The following SOX5 variants were observed in gnomAD, a reference collection of about 807,000 sequenced individuals.
The protein encoded by SOX5 is transcription factor SOX-5.
Under a neutral mutation model 92.0 loss-of-function variants are expected in SOX5, and 9 were observed. The observed-to-expected ratio is 0.10, with a 90% CI of 0.06 to 0.17. The LOEUF (loss-of-function observed/expected upper bound fraction) is 0.17. Among genes scored for constraint, SOX5 ranks in the 10% least tolerant of loss-of-function variants. The pLI, the probability that SOX5 is intolerant of heterozygous loss-of-function variation, is 1.00. For synonymous variants in SOX5, 344 were observed against 336.3 expected (o/e 1.02, Z -0.25); for missense variants, 642 against 944.5 (o/e 0.68, Z 4.20).
chr12:23,960,481 TTA>T (rs1491233704), intron 4 of SOX5, among the ~76,000 whole-genome samples: 1 of 128,100 alleles, frequency 7.8e-6, no homozygotes, highest in Admixed American at 8.2e-5. Flanking sequence ...TATATATGTT[TTA>T]TATATATTTA....
intron 4 of SOX5, among the ~76,000 whole-genome samples, chr12:24,059,663 A>C (rs1047652903): frequency 3.3e-5 from 5 of 152,070 alleles, no homozygotes; most frequent in African/African-American, 1.2e-4. Flanking sequence ...CCCAACCTCA[A>C]ACCTGGATTC....
chr12:24,187,924 T>G (rs1594075058), intron 4 of SOX5, among the ~76,000 whole-genome samples: 1 of 152,304 alleles, frequency 6.6e-6, no homozygotes, highest in East Asian at 1.9e-4. Flanking sequence ...CAACGGAGTT[T>G]TAATGTAAAA....
chr12:24,450,012 C>T (rs1566193391), intron 1 of SOX5, among the ~76,000 whole-genome samples: 1 of 152,198 alleles, frequency 6.6e-6, no homozygotes, highest in African/African-American at 2.4e-5. Flanking sequence ...GACACACTCT[C>T]TGTAAAATGA....
chr12:24,149,048 G>A lies in SOX5; in HGVS notation c.-2+64295C>T, dbSNP rs1001929348. 5.3e-5 allele frequency among the ~76,000 whole-genome samples: 8 copies of A among 152,016 alleles called. No individual in the cohort carries two copies. In the East Asian group the frequency reaches 5.8e-4, roughly 11 times the overall value. On this transcript the variant is annotated intron_variant, in intron 4 of 4. Transcript: ENST00000446891. ...ATTCATAAGGAAAAATAAAAACTTC[G>A]ATCTCCACTTTGCCTCATATGCTAA...
intron 4 of SOX5, among the ~76,000 whole-genome samples, chr12:24,201,976 T>A (rs1258106422): frequency 6.6e-6 from 1 of 152,228 alleles, no homozygotes; most frequent in African/African-American, 2.4e-5. Context: ...CATTAAACCT[T>A]GATCTTCACT....
At chr12:24,104,982 T>C (rs1946512025) in intron 4 of SOX5, among the ~76,000 whole-genome samples, 1 of 152,220 alleles carries the variant, frequency 6.6e-6, no homozygotes, top group Non-Finnish European at 1.5e-5. Flanking sequence ...TGGAACAGTC[T>C]CTAAGTCTCT....
chr12:23,737,699 T>C (rs1010806563), intron 5 of SOX5, among the ~76,000 whole-genome samples: 6 of 152,148 alleles, frequency 3.9e-5, no homozygotes, highest in African/African-American at 1.4e-4. Context: ...TATCACCTCA[T>C]GCCTGCCACA....
chr12:24,232,381 G>A (rs559899419), intron 3 of SOX5, among the ~76,000 whole-genome samples: 1 of 152,268 alleles, frequency 6.6e-6, no homozygotes, highest in South Asian at 2.1e-4. Flanking sequence ...AAAGAACAAT[G>A]ACAGAGCCAC....
At chr12:24,067,847 A>G (rs1384583394) in intron 4 of SOX5, among the ~76,000 whole-genome samples, 1 of 152,216 alleles carries the variant, frequency 6.6e-6, no homozygotes, top group Non-Finnish European at 1.5e-5. Flanking sequence ...TCAATTCTTT[A>G]AAAAACTTCA....
At chr12:24,110,740 A>G (rs1044896136) in intron 4 of SOX5, among the ~76,000 whole-genome samples, 5 of 151,628 alleles carry the variant, frequency 3.3e-5, no homozygotes, top group Non-Finnish European at 5.9e-5. Context: ...AAATAAAATA[A>G]AATTTAAAAA....
At chr12:23,741,546 C>T (rs1175913118) in intron 4 of SOX5, among the ~76,000 whole-genome samples, 1 of 151,832 alleles carries the variant, frequency 6.6e-6, no homozygotes, top group Admixed American at 6.6e-5. Context: ...ATTAAGAGGT[C>T]AAGGCATTAG....
chr12:24,395,137 T>C (rs1221267960), intron 1 of SOX5, among the ~76,000 whole-genome samples: 1 of 152,182 alleles, frequency 6.6e-6, no homozygotes, highest in Non-Finnish European at 1.5e-5. Context: ...CCTTTTCTTC[T>C]TCCATGAATA....
At chr12:23,593,200 A>G (rs564871693) in intron 9 of SOX5, among the ~76,000 whole-genome samples, 7 of 152,224 alleles carry the variant, frequency 4.6e-5, no homozygotes, top group Non-Finnish European at 1.0e-4. Flanking sequence ...GACAAGGAAT[A>G]TGTGCCTACG....
intron 2 of SOX5, among the ~76,000 whole-genome samples, chr12:23,872,584 T>A (rs1004539436): frequency 6.6e-6 from 1 of 151,862 alleles, no homozygotes; most frequent in Non-Finnish European, 1.5e-5. Context: ...TATAAAAAAC[T>A]AGTTAATTAA....
At chr12:23,670,607 A>G (rs1279287087) in intron 6 of SOX5, among the ~76,000 whole-genome samples, 1 of 152,132 alleles carries the variant, frequency 6.6e-6, no homozygotes, top group Non-Finnish European at 1.5e-5. Context: ...GAATGGAGCT[A>G]TATAAATGGA....
intron 3 of SOX5, among the ~76,000 whole-genome samples, chr12:24,260,168 A>G (rs1205643030): frequency 6.6e-6 from 1 of 152,190 alleles, no homozygotes; most frequent in Non-Finnish European, 1.5e-5. Flanking sequence ...TAAAAGCTGT[A>G]TCTGTGGAAA....
chr12:23,753,161 C>A (rs1225383033), intron 4 of SOX5, among the ~76,000 whole-genome samples: 1 of 151,674 alleles, frequency 6.6e-6, no homozygotes, highest in African/African-American at 2.4e-5. Context: ...AAAAGTCTAT[C>A]ATTTTTTACT....
intron 1 of SOX5, among the ~76,000 whole-genome samples, chr12:24,394,897 A>AT (rs1566061447): frequency 6.6e-6 from 1 of 151,974 alleles, no homozygotes; most frequent in Admixed American, 6.6e-5. Flanking sequence ...AACTTCTTTT[A>AT]TTTTTTTCAA....
chr12:24,448,355 G>A (rs1321746310), intron 1 of SOX5, among the ~76,000 whole-genome samples: 1 of 152,090 alleles, frequency 6.6e-6, no homozygotes, highest in Non-Finnish European at 1.5e-5. Flanking sequence ...GGGTGAAAAT[G>A]GAGAGAAAAA....
Sources: allele counts gnomAD v4.1 joint callset (sites outside exome capture counted in the v4.1 genomes callset), GRCh38; gene constraint gnomAD v4.1.1; transcripts MANE v1.5; gene names NCBI Gene and HGNC (gene_info 2026-07-23, HGNC 2026-07-21).